Variants in FOXJ3 observed in about 807,000 individuals in gnomAD.
The protein encoded by FOXJ3 is forkhead box protein J3.
In FOXJ3, 22 loss-of-function variants were observed where a neutral mutation model predicts 76.1. The ratio of observed to expected loss-of-function variants is 0.29; its 90% CI spans 0.21 to 0.41. The LOEUF is 0.41. Among genes scored for constraint, FOXJ3 ranks in the 10% least tolerant of loss-of-function variants. The pLI, the probability that FOXJ3 is intolerant of heterozygous loss-of-function variation, is 1.00. For synonymous variants in FOXJ3, 269 were observed against 261.2 expected (o/e 1.03, Z -0.29); for missense variants, 613 against 762.1 (o/e 0.80, Z 2.30).
At chr1:42,291,685 C>A (rs1452470342) in intron 2 of FOXJ3, among the ~76,000 whole-genome samples, 1 of 151,920 alleles carries the variant, frequency 6.6e-6, no homozygotes, top group Non-Finnish European at 1.5e-5. Flanking sequence ...TTCATCAAGG[C>A]AGGAAGATCG....
chr1:42,278,446 T>C lies in FOXJ3; in HGVS notation c.271A>G (p.Ile91Val), dbSNP rs1652455134. ...YSYASLITFA[I>V]NSSPKKKMTL... ...ATTTTCTTTTTGGGTGAGCTATTAA[T>C]TGCAAATGTAATGAGGCTGGCATAA... is the stretch of plus-strand genomic sequence containing the variant. The change falls in exon 3 of 13, where the codon ATT becomes GTT. Residue 91 changes from isoleucine to valine, a missense_variant. Around this residue, in one of 3 missense-constraint regions of FOXJ3, gnomAD observed 77 missense variants for 115.1 expected, o/e 0.67. Transcript: ENST00000361346. 1 of 1,613,990 alleles carries C rather than the reference T, an allele frequency of 6.2e-7. No homozygotes were observed. The highest frequency in any genetic ancestry group is 8.5e-7 in the Non-Finnish European group (1 of 1,179,810).
At chr1:42,299,540 CTTT>C (rs762864718) in intron 2 of FOXJ3, among the ~76,000 whole-genome samples, 3 of 119,416 alleles carry the variant, frequency 2.5e-5, no homozygotes, top group Non-Finnish European at 3.6e-5. Flanking sequence ...ATGGTTGGGT[CTTT>C]TTTTTTTTTT....
chr1:42,316,349 T>TTTTTTTTTTTTC lies in FOXJ3; in HGVS notation c.-17-5240_-17-5239insGAAAAAAAAAAA, dbSNP rs1553169820. ...GCATTGGGCCTTTTTTTTTTTTTTT[T>TTTTTTTTTTTTC]CTGTAGAAACAAGGTCTTGCTGTGT... is the stretch of plus-strand genomic sequence containing the variant. On this transcript the variant is annotated intron_variant, in intron 1 of 12. Transcript: ENST00000361346. Among the ~76,000 whole-genome samples the TTTTTTTTTTTTC allele has an allele frequency of 7.4e-5, 10 of 135,210 alleles. 1 individual carries two copies. The highest frequency in any genetic ancestry group is 2.0e-4 in the East Asian group (1 of 4,992). 88.7% of individuals were successfully genotyped at this position (135,210 alleles called of 152,430 possible).
At chr1:42,270,601 A>T (rs1651797068) in intron 3 of FOXJ3, among the ~76,000 whole-genome samples, 1 of 152,186 alleles carries the variant, frequency 6.6e-6, no homozygotes. Flanking sequence ...CAAGAAAAGA[A>T]GTTGGTGAAG....
At chr1:42,325,432 T>G (rs1397881994) in intron 1 of FOXJ3, among the ~76,000 whole-genome samples, 5 of 152,186 alleles carry the variant, frequency 3.3e-5, no homozygotes, top group African/African-American at 1.2e-4. Flanking sequence ...GCCAAGGACA[T>G]CTCTGATTTT....
At chr1:42,219,096 T>C (rs1177142526) in intron 5 of FOXJ3, among the ~76,000 whole-genome samples, 3 of 152,232 alleles carry the variant, frequency 2.0e-5, no homozygotes, top group African/African-American at 7.2e-5. Context: ...AGTTTCACTT[T>C]CTGCAGTTTC....
chr1:42,225,586 C>T (rs917333221), intron 5 of FOXJ3, among the ~76,000 whole-genome samples: 1 of 152,150 alleles, frequency 6.6e-6, no homozygotes, highest in Non-Finnish European at 1.5e-5. Flanking sequence ...CCTACAGGGG[C>T]AACCAATATC....
intron 3 of FOXJ3, among the ~76,000 whole-genome samples, chr1:42,274,452 G>A (rs528324137): frequency 1.1e-4 from 17 of 152,202 alleles, no homozygotes; most frequent in South Asian, 1.0e-3. Flanking sequence ...TGCATCTTGT[G>A]TAATGGTTAA....
chr1:42,246,372 A>G (rs778934261), intron 4 of FOXJ3, among the ~76,000 whole-genome samples: 1 of 152,146 alleles, frequency 6.6e-6, no homozygotes, highest in African/African-American at 2.4e-5. Flanking sequence ...GCAAAAAAAC[A>G]TGAATGGGCA....
At chr1:42,269,349 AG>A (rs1557688095) in intron 3 of FOXJ3, among the ~76,000 whole-genome samples, 1 of 152,232 alleles carries the variant, frequency 6.6e-6, no homozygotes, top group Non-Finnish European at 1.5e-5. Flanking sequence ...AAGTATCATT[AG>A]TAAATGGCTC....
At chr1:42,318,664 A>T (rs1655261699) in intron 1 of FOXJ3, among the ~76,000 whole-genome samples, 1 of 152,186 alleles carries the variant, frequency 6.6e-6, no homozygotes, top group African/African-American at 2.4e-5. Flanking sequence ...AAATTAAAAC[A>T]AGACACCACT....
intron 1 of FOXJ3, among the ~76,000 whole-genome samples, chr1:42,320,915 T>C (rs143055713): frequency 0.016 from 2,503 of 152,276 alleles, 30 homozygotes; most frequent in Non-Finnish European, 0.02. Context: ...ATTTGATTCA[T>C]GTGCTTTGCC....
chr1:42,197,000 T>C (rs1427704910), intron 7 of FOXJ3, among the ~76,000 whole-genome samples: 1 of 152,220 alleles, frequency 6.6e-6, no homozygotes, highest in Admixed American at 6.5e-5. Flanking sequence ...TTAATTTAAT[T>C]AATCTTGATC....
At chr1:42,295,007 CT>C (rs1557705709) in intron 2 of FOXJ3, among the ~76,000 whole-genome samples, 1 of 152,084 alleles carries the variant, frequency 6.6e-6, no homozygotes, top group Non-Finnish European at 1.5e-5. Flanking sequence ...TCCATAAATT[CT>C]TTTTATTTTT....
At chr1:42,245,619 G>A (rs983219890) in intron 4 of FOXJ3, among the ~76,000 whole-genome samples, 9 of 152,120 alleles carry the variant, frequency 5.9e-5, no homozygotes, top group African/African-American at 1.2e-4. Context: ...AAAATTCAAC[G>A]TCATTTCATA....
chr1:42,281,628 T>G (rs1332441158), intron 2 of FOXJ3, among the ~76,000 whole-genome samples: 1 of 152,242 alleles, frequency 6.6e-6, no homozygotes, highest in Non-Finnish European at 1.5e-5. Flanking sequence ...AAATTTTATA[T>G]ACAGCATTCT....
chr1:42,191,659 T>A lies in FOXJ3; in HGVS notation c.995A>T (p.His332Leu). The A allele has an allele frequency of 6.2e-7, 1 of 1,613,848 alleles. No homozygotes were observed. Among genetic ancestry groups the A allele is most frequent in the Non-Finnish European group, 8.5e-7 (1 of 1,179,962 alleles). ...AGTGCTCACTGTACTGCTGGGAGAG[T>A]GCTGATAGGTACATGAAGTGTGGGA... ...QQSHTSCTYQHSPSSTVSTHP... is the reference protein window; with the variant it reads ...QQSHTSCTYQLSPSSTVSTHP... The change falls in exon 9 of 13, where the codon CAC (histidine) becomes CTC (leucine). Residue 332 changes from histidine (H) to leucine (L), a missense_variant. Around this residue, in one of 3 missense-constraint regions of FOXJ3, gnomAD observed 526 missense variants for 601.4 expected, o/e 0.87. Transcript: ENST00000361346.
chr1:42,188,807 C>T lies in FOXJ3; in HGVS notation c.1575G>A (p.Gln525=), dbSNP rs757960670. The T allele has an allele frequency of 2.5e-6, 4 of 1,612,568 alleles. No homozygotes were observed. Among genetic ancestry groups the T allele is most frequent in the South Asian group, 1.1e-5 (1 of 90,876 alleles). The change falls in exon 11 of 13, where the codon CAG becomes CAA. Residue 525 remains glutamine, a synonymous_variant. Transcript: ENST00000361346. ...FFTQTGLIHS[Q]SNVQQNVCHG... ...GACAAACATTTTGTTGAACATTACTCTGTGAATGTATAAGGCCAGTTTGTG... is the reference window on the plus strand; with the variant it reads ...GACAAACATTTTGTTGAACATTACTTTGTGAATGTATAAGGCCAGTTTGTG...
chr1:42,184,117 C>G (rs537750732), intron 11 of FOXJ3, among the ~76,000 whole-genome samples: 1 of 152,118 alleles, frequency 6.6e-6, no homozygotes, highest in Non-Finnish European at 1.5e-5. Context: ...TTCACATGCA[C>G]GCCTAGTGTA....
Sources: gnomAD v4.1 joint callset for allele counts (sites outside exome capture counted in the v4.1 genomes callset) on GRCh38, gnomAD v4.1.1 for gene constraint, gnomAD v4.1.1 regional missense constraint, MANE v1.5 for transcripts, NCBI Gene and HGNC (gene_info 2026-07-23, HGNC 2026-07-21) for gene names.